Variants in GRIK1 observed in about 807,000 individuals in gnomAD.
GRIK1 encodes the protein glutamate receptor ionotropic, kainate 1.
Under a neutral mutation model 105.7 loss-of-function variants are expected in GRIK1, and 69 were observed. That is an observed-to-expected ratio of 0.65 (90% confidence interval 0.54 to 0.80). The LOEUF is 0.80. Among genes scored for constraint, GRIK1 ranks in the 30% least tolerant of loss-of-function variants. The pLI, the probability that GRIK1 is intolerant of heterozygous loss-of-function variation, is 0.00. For synonymous variants in GRIK1, 438 were observed against 431.3 expected (o/e 1.02, Z -0.19); for missense variants, 1,109 against 1,167.3 (o/e 0.95, Z 0.73).
chr21:29,922,089 C>T (rs1195452188), intron 1 of GRIK1, among the ~76,000 whole-genome samples: 1 of 152,062 alleles, frequency 6.6e-6, no homozygotes, highest in Non-Finnish European at 1.5e-5. Flanking sequence ...CACAAGATGC[C>T]TTTTTCCGCT....
intron 1 of GRIK1, among the ~76,000 whole-genome samples, chr21:29,876,749 A>G (rs527824149): frequency 2.2e-4 from 34 of 152,270 alleles, no homozygotes; most frequent in South Asian, 6.2e-4. Context: ...TTTTTACAGA[A>G]TCTAGAACAT....
chr21:29,867,876 AAGAGAGAGAAAGAG>A (rs1431069459), intron 1 of GRIK1, among the ~76,000 whole-genome samples: 596 of 16,888 alleles, frequency 0.035, 10 homozygotes, highest in African/African-American at 0.12. Flanking sequence ...GAAAGAGAGA[AAGAGAGAGAAAGAG>A]AGAGAGAGAG....
intron 16 of GRIK1, 40 bp from the exon 17 acceptor site, chr21:29,537,924 A>T (rs774742152): frequency 4.3e-5 from 41 of 942,676 alleles, no homozygotes; most frequent in Non-Finnish European, 6.7e-6. Flanking sequence ...TTTAAATTGT[A>T]CATTTTCTCC....
At chr21:29,595,604 T>C (rs906117311) in intron 9 of GRIK1, among the ~76,000 whole-genome samples, 4 of 152,166 alleles carry the variant, frequency 2.6e-5, no homozygotes, top group African/African-American at 7.2e-5. Context: ...AGCTGATAAT[T>C]TGAAAGATGA....
chr21:29,545,053 G>A (rs1280299161), intron 16 of GRIK1, among the ~76,000 whole-genome samples: 4 of 152,360 alleles, frequency 2.6e-5, no homozygotes, highest in South Asian at 4.1e-4. Flanking sequence ...CATCAGGCCA[G>A]CCTGAAACTG....
At chr21:29,744,586 G>A (rs2065006214) in intron 1 of GRIK1, among the ~76,000 whole-genome samples, 1 of 150,502 alleles carries the variant, frequency 6.6e-6, no homozygotes, top group Non-Finnish European at 1.5e-5. Flanking sequence ...TTCCTCCCTG[G>A]AATTCTATTG....
At chr21:29,674,202 A>T (rs1206375193) in intron 3 of GRIK1, among the ~76,000 whole-genome samples, 1 of 151,652 alleles carries the variant, frequency 6.6e-6, no homozygotes, top group Non-Finnish European at 1.5e-5. Context: ...AAGATTCAGC[A>T]TGTATTCCAG....
At chr21:29,640,166 A>G (rs1178501953) in intron 7 of GRIK1, among the ~76,000 whole-genome samples, 1 of 151,950 alleles carries the variant, frequency 6.6e-6, no homozygotes, top group South Asian at 2.1e-4. Context: ...TAACTTAAAA[A>G]AAAAAAAGAA....
intron 4 of GRIK1, among the ~76,000 whole-genome samples, chr21:29,668,732 T>G (rs978131974): frequency 1.3e-5 from 2 of 152,232 alleles, no homozygotes; most frequent in East Asian, 3.8e-4. Context: ...GGTAGAGCTT[T>G]CTTGCCCTTT....
intron 1 of GRIK1, among the ~76,000 whole-genome samples, chr21:29,767,495 G>T (rs888092687): frequency 1.3e-5 from 2 of 151,658 alleles, no homozygotes; most frequent in Non-Finnish European, 2.9e-5. Flanking sequence ...ATAAAAAAAG[G>T]TTTGCTCAGG....
At chr21:29,565,657 C>A (rs949725311) in intron 14 of GRIK1, among the ~76,000 whole-genome samples, 1 of 152,218 alleles carries the variant, frequency 6.6e-6, no homozygotes, top group Non-Finnish European at 1.5e-5. Flanking sequence ...TGGTCTCGAA[C>A]TGCTGACCTC....
At chr21:29,809,822 T>C (rs2145885795) in intron 1 of GRIK1, among the ~76,000 whole-genome samples, 1 of 152,292 alleles carries the variant, frequency 6.6e-6, no homozygotes. Flanking sequence ...TAGAGGCCAT[T>C]GTAGGGTTAC....
chr21:29,855,565 C>A (rs1438592090), intron 1 of GRIK1, among the ~76,000 whole-genome samples: 1 of 152,142 alleles, frequency 6.6e-6, no homozygotes, highest in East Asian at 1.9e-4. Context: ...GGCCTTGTAG[C>A]TCATGATAAG....
chr21:29,693,991 C>G lies in GRIK1; in HGVS notation c.191G>C (p.Ser64Thr). The G allele has an allele frequency of 6.2e-7, 1 of 1,610,784 alleles. No homozygotes were observed. The highest frequency in any genetic ancestry group is 8.5e-7 in the Non-Finnish European group (1 of 1,176,980). Residue 64 changes from serine to threonine, a missense_variant, in exon 2 of 18, where the codon AGC becomes ACC. Ser to Thr is a moderately conservative substitution (Grantham distance 58). Transcript: ENST00000327783. ...CATCAGGGTTCGGTTTCTGTTAATG[C>G]TGGTGACTGCAAACTTGAAAGCTAA... ...EELAFKFAVT[S>T]INRNRTLMPN...
At chr21:29,734,647 C>A (rs181317389) in intron 1 of GRIK1, among the ~76,000 whole-genome samples, 19 of 152,054 alleles carry the variant, frequency 1.2e-4, no homozygotes, top group Admixed American at 8.5e-4. Context: ...GATCCACCCC[C>A]CTGGGCCTCC....
At chr21:29,756,350 C>T (rs2065341710) in intron 1 of GRIK1, among the ~76,000 whole-genome samples, 1 of 152,122 alleles carries the variant, frequency 6.6e-6, no homozygotes, top group Admixed American at 6.5e-5. Context: ...CACTGCACTC[C>T]AGCCTGGGCA....
chr21:29,842,720 T>G (rs2068015571), intron 1 of GRIK1, among the ~76,000 whole-genome samples: 1 of 152,190 alleles, frequency 6.6e-6, no homozygotes, highest in African/African-American at 2.4e-5. Flanking sequence ...CGACATTAAC[T>G]TTTTATGTCA....
At chr21:29,803,287 A>G (rs2066764184) in intron 1 of GRIK1, among the ~76,000 whole-genome samples, 1 of 152,208 alleles carries the variant, frequency 6.6e-6, no homozygotes, top group African/African-American at 2.4e-5. Context: ...AGCAAATGCC[A>G]TAGTTATGGT....
At chr21:29,599,221 C>T (rs3026022) in intron 7 of GRIK1, among the ~76,000 whole-genome samples, 1,878 of 152,302 alleles carry the variant, frequency 0.012, 42 homozygotes, top group African/African-American at 0.043. Flanking sequence ...AGTCTGCACA[C>T]GGAATACACA....
Sources: gnomAD v4.1 joint callset for allele counts (sites outside exome capture counted in the v4.1 genomes callset) on GRCh38, gnomAD v4.1.1 for gene constraint, MANE v1.5 for transcripts, NCBI Gene and HGNC (gene_info 2026-07-23, HGNC 2026-07-21) for gene names.